Variants in ITPRID1 observed in about 807,000 individuals in gnomAD.
The protein encoded by ITPRID1 is ITPR interacting domain containing 1.
A neutral mutation model predicts 95.4 loss-of-function variants in ITPRID1; 96 were observed. The observed-to-expected ratio is 1.01, with a 90% confidence interval of 0.85 to 1.19. ITPRID1 has a LOEUF of 1.19. ITPRID1 is among the 50% of genes most tolerant of loss of function. The pLI, the probability that ITPRID1 is intolerant of heterozygous loss-of-function variation, is 0.00. For synonymous variants in ITPRID1, 510 were observed against 453.6 expected (o/e 1.12, Z -1.58); for missense variants, 1,339 against 1,252.9 (o/e 1.07, Z -1.04).
At chr7:31,536,808 T>A (rs773659755) in intron 1 of ITPRID1, among the ~76,000 whole-genome samples, 12 of 152,182 alleles carry the variant, frequency 7.9e-5, no homozygotes, top group Admixed American at 2.6e-4. Context: ...AAGGCTTGTC[T>A]CAGTTCTGCC....
chr7:31,595,491 A>T (rs1486018108), intron 10 of ITPRID1, among the ~76,000 whole-genome samples: 1 of 152,168 alleles, frequency 6.6e-6, no homozygotes, highest in African/African-American at 2.4e-5. Flanking sequence ...CAAACCCAGT[A>T]CTTGGGGGCT....
intron 1 of ITPRID1, among the ~76,000 whole-genome samples, chr7:31,519,620 C>CTCTCTCTATATATATATATATA: frequency 7.9e-4 from 20 of 25,258 alleles, no homozygotes; most frequent in East Asian, 3.0e-3. Context: ...CTCTCTCTCT[C>CTCTCTCTATATATATATATATA]TATATATATA....
At chr7:31,541,431 C>A (rs1783928251) in intron 1 of ITPRID1, among the ~76,000 whole-genome samples, 1 of 151,992 alleles carries the variant, frequency 6.6e-6, no homozygotes, top group Admixed American at 6.6e-5. Context: ...TAAAGAGGAC[C>A]AAAACAAGAC....
At chr7:31,572,010 A>C in intron 6 of ITPRID1, 92 bp from the exon 7 acceptor site, 1 of 797,760 alleles carries the variant, frequency 1.3e-6, no homozygotes. Flanking sequence ...AGGAAATGCA[A>C]ATGTTTGCTC....
chr7:31,613,539 GTC>G (rs972873482), intron 10 of ITPRID1, among the ~76,000 whole-genome samples: 12 of 151,184 alleles, frequency 7.9e-5, no homozygotes, highest in Non-Finnish European at 1.3e-4. Context: ...CCATTTTAGA[GTC>G]TATATTTGCT....
chr7:31,532,524 C>A (rs1478832549), intron 1 of ITPRID1, among the ~76,000 whole-genome samples: 1 of 152,088 alleles, frequency 6.6e-6, no homozygotes, highest in Non-Finnish European at 1.5e-5. Flanking sequence ...AGAAGTATTT[C>A]TATTTCTAGT....
chr7:31,633,642 G>T (rs929031584), intron 10 of ITPRID1, among the ~76,000 whole-genome samples: 1 of 152,188 alleles, frequency 6.6e-6, no homozygotes, highest in Non-Finnish European at 1.5e-5. Flanking sequence ...GCTCTTAAAG[G>T]CATTGGCATT....
intron 10 of ITPRID1, among the ~76,000 whole-genome samples, chr7:31,639,743 A>G (rs1789850695): frequency 1.3e-5 from 2 of 151,652 alleles, no homozygotes; most frequent in Non-Finnish European, 2.9e-5. Context: ...TCACTGTGTT[A>G]GCCAGGCTCG....
chr7:31,539,653 C>T (rs1783868581), intron 1 of ITPRID1, among the ~76,000 whole-genome samples: 1 of 152,176 alleles, frequency 6.6e-6, no homozygotes, highest in Non-Finnish European at 1.5e-5. Flanking sequence ...CAGTCAAAGA[C>T]AGGTTTGTTT....
intron 10 of ITPRID1, among the ~76,000 whole-genome samples, chr7:31,604,160 A>C (rs557706676): frequency 6.6e-6 from 1 of 152,298 alleles, no homozygotes; most frequent in South Asian, 2.1e-4. Flanking sequence ...GGCTGTAAGG[A>C]ATGGAAGTAG....
At chr7:31,578,545 TTC>T in intron 9 of ITPRID1, 111 bp downstream of exon 9, 1 of 748,084 alleles carries the variant, frequency 1.3e-6, no homozygotes, top group South Asian at 2.5e-5. Flanking sequence ...TCAGCATTAC[TTC>T]TTAGTGTTCT....
intron 8 of ITPRID1, among the ~76,000 whole-genome samples, chr7:31,577,406 T>C (rs1273489525): frequency 6.6e-6 from 1 of 152,216 alleles, no homozygotes; most frequent in Non-Finnish European, 1.5e-5. Context: ...TGCCATGATC[T>C]TTCCACACTA....
intron 1 of ITPRID1, among the ~76,000 whole-genome samples, chr7:31,527,273 G>A (rs923612073): frequency 5.9e-5 from 9 of 152,054 alleles, no homozygotes; most frequent in South Asian, 2.1e-4. Context: ...TTAAAACTGC[G>A]CCTCTTCTTT....
chr7:31,643,760 C>T lies in ITPRID1; in HGVS notation c.2390C>T (p.Thr797Ile), dbSNP rs1262244950. 1 of 1,614,030 alleles carries T rather than the reference C, an allele frequency of 6.2e-7. No homozygotes were observed. The highest frequency in any genetic ancestry group is 1.7e-5 in the Admixed American group (1 of 60,026). The change falls in exon 12 of 15, where the codon ACC (threonine) becomes ATC (isoleucine). Residue 797 changes from threonine (T) to isoleucine (I), a missense_variant. Coordinates refer to ENST00000615280, the MANE Select transcript of ITPRID1 (RefSeq NM_001257967.3). ...TTCTCTAGTATCTGCCCAATGGGCA[C>T]CTGCCATGCTATACCTGCCCACTGC... ...SGFSSICPMG[T>I]CHAIPAHCCI...
intron 10 of ITPRID1, among the ~76,000 whole-genome samples, chr7:31,596,050 G>T (rs937688200): frequency 4.6e-5 from 7 of 151,334 alleles, no homozygotes; most frequent in African/African-American, 1.7e-4. Context: ...AATATATTTT[G>T]CATATGTCAT....
chr7:31,604,649 C>T (rs1428194084), intron 10 of ITPRID1, among the ~76,000 whole-genome samples: 3 of 152,170 alleles, frequency 2.0e-5, no homozygotes, highest in Admixed American at 6.5e-5. Context: ...TAAACCACTA[C>T]CACCCACCCC....
chr7:31,573,478 T>C (rs1007460158), intron 7 of ITPRID1, among the ~76,000 whole-genome samples: 5 of 152,178 alleles, frequency 3.3e-5, no homozygotes, highest in Non-Finnish European at 7.3e-5. Context: ...TAGCTACCTG[T>C]TGTTGAATGT....
At chr7:31,564,895 C>A (rs1219479080) in intron 5 of ITPRID1, among the ~76,000 whole-genome samples, 1 of 152,154 alleles carries the variant, frequency 6.6e-6, no homozygotes, top group East Asian at 1.9e-4. Flanking sequence ...CAACCCCAAT[C>A]CCTGTGAGAA....
At chr7:31,532,526 A>G (rs185386880) in intron 1 of ITPRID1, among the ~76,000 whole-genome samples, 182 of 152,254 alleles carry the variant, frequency 1.2e-3, no homozygotes, top group Non-Finnish European at 1.9e-3. Flanking sequence ...AAGTATTTCT[A>G]TTTCTAGTTT....
Sources: allele counts gnomAD v4.1 joint callset (sites outside exome capture counted in the v4.1 genomes callset), GRCh38; gene constraint gnomAD v4.1.1; transcripts MANE v1.5; gene names NCBI Gene and HGNC (gene_info 2026-07-23, HGNC 2026-07-21).